Variants in TTC23L observed in about 807,000 individuals in gnomAD.
TTC23L encodes tetratricopeptide repeat domain 23 like, also known as tetratricopeptide repeat protein 23-like.
Under a neutral mutation model 48.1 loss-of-function variants are expected in TTC23L, and 42 were observed. That is an observed-to-expected ratio of 0.87 (90% CI 0.68 to 1.13). TTC23L has a LOEUF of 1.13. Among genes scored for constraint, TTC23L ranks in the 50% most tolerant of loss-of-function variants. TTC23L has a pLI of 0.00. For missense variants in TTC23L, 391 were observed against 421.0 expected, an observed-to-expected ratio of 0.93 and a Z score of 0.62; for synonymous variants, 159 against 157.2, an observed-to-expected ratio of 1.01 and a Z score of -0.09.
At chr5:34,886,880 C>G (rs1762577947) in intron 9 of TTC23L, among the ~76,000 whole-genome samples, 1 of 152,122 alleles carries the variant, frequency 6.6e-6, no homozygotes, top group Admixed American at 6.5e-5. Flanking sequence ...TTAGTAATAC[C>G]TTGTTTAACC....
chr5:34,859,266 CA>C (rs1291820529), intron 4 of TTC23L, among the ~76,000 whole-genome samples: 1 of 152,192 alleles, frequency 6.6e-6, no homozygotes, highest in African/African-American at 2.4e-5. Flanking sequence ...CCTGCTTGAT[CA>C]AAACACTTTC....
At chr5:34,895,986 T>C (rs565298508) in intron 9 of TTC23L, among the ~76,000 whole-genome samples, 1 of 152,168 alleles carries the variant, frequency 6.6e-6, no homozygotes, top group South Asian at 2.1e-4. Context: ...TATGAGTGAG[T>C]GAGGAGCACA....
intron 10 of TTC23L, 71 bp downstream of exon 10, chr5:34,896,946 G>A (rs1023194238): frequency 4.9e-6 from 3 of 615,512 alleles, no homozygotes; most frequent in Admixed American, 4.9e-5. Context: ...TGATTCCAAG[G>A]GATGTGTGCC....
At chr5:34,868,627 T>C (rs898266285) in intron 7 of TTC23L, 27 of 284,798 alleles carry the variant, frequency 9.5e-5, no homozygotes, top group African/African-American at 5.1e-4. Flanking sequence ...TTATTTTTGC[T>C]ATGAAATCTA....
chr5:34,908,997 C>A, the TTC23L span: 1 of 1,436,788 alleles, frequency 7.0e-7, no homozygotes, highest in South Asian at 1.2e-5. Context: ...GTGAACACTG[C>A]TCAGAACTCC....
At chr5:34,888,413 C>A in intron 9 of TTC23L, 1 of 925,044 alleles carries the variant, frequency 1.1e-6, no homozygotes, top group Non-Finnish European at 1.3e-6. Context: ...AAGGTGCTTG[C>A]TATCTGATTC....
At position 34,880,310 on chromosome 5, in the gene TTC23L, T is replaced by A; in HGVS notation, c.1077+2T>A. ...CTTGTCCAAAATGGAGAAAAACAGG[T>A]AAATATGATCAATGCATAAACAGAA... On this transcript the variant is annotated splice_donor_variant, in intron 9 of 10. Transcript: ENST00000505624. LOFTEE classifies it high-confidence loss of function. 1.2e-6 allele frequency: 2 copies of A among 1,607,036 alleles called. No homozygotes were observed. Among genetic ancestry groups the A allele is most frequent in the Non-Finnish European group, 1.7e-6 (2 of 1,177,918 alleles).
chr5:34,905,444 A>AC, the TTC23L span: 1 of 151,880 alleles, frequency 6.6e-6, no homozygotes, highest in Non-Finnish European at 1.5e-5. Context: ...CACCACAGAA[A>AC]CCCTGTGGCT....
intron 2 of TTC23L, among the ~76,000 whole-genome samples, chr5:34,841,632 C>T (rs2150337988): frequency 6.6e-6 from 1 of 152,352 alleles, no homozygotes; most frequent in East Asian, 1.9e-4. Flanking sequence ...ATCCTCCCAC[C>T]TCAGCCTCCT....
chr5:34,882,689 A>G (rs1168201965), intron 9 of TTC23L, among the ~76,000 whole-genome samples: 1 of 150,974 alleles, frequency 6.6e-6, no homozygotes, highest in Non-Finnish European at 1.5e-5. Flanking sequence ...TTAATCTGCC[A>G]TGGATAAAAA....
the TTC23L span, chr5:34,922,720 G>T: frequency 6.2e-7 from 1 of 1,614,024 alleles, no homozygotes; most frequent in South Asian, 1.1e-5. Flanking sequence ...AACTGAAGAT[G>T]ACTGGAAACT....
In TTC23L at chr5:34,888,689, A is replaced by G. The variant is rs553911402; in HGVS notation, c.1078-8081A>G. 2.7e-5 allele frequency: 5 copies of G among 185,434 alleles called. No homozygotes were observed. In the East Asian group the frequency reaches 9.4e-4, roughly 35 times the overall value. 11.5% of individuals were successfully genotyped at this position (185,434 alleles called of 1,614,324 possible). A position where few individuals can be genotyped will look rare whatever the true frequency, so the allele number is the denominator to read the frequency against. ...CTGTGTATGAATTTGACCAAATCCT[A>G]TACTTGGGGAAATTAGTTGATTTCT... On this transcript the variant is annotated intron_variant, in intron 9 of 10. Transcript: ENST00000505624.
At chr5:34,919,978 T>C in the TTC23L span, 1 of 565,620 alleles carries the variant, frequency 1.8e-6, no homozygotes, top group Non-Finnish European at 3.2e-6. Flanking sequence ...AAAATTATTT[T>C]GTAAAAACTA....
chr5:34,895,112 T>G (rs1345747980), intron 9 of TTC23L, among the ~76,000 whole-genome samples: 2 of 152,206 alleles, frequency 1.3e-5, no homozygotes, highest in African/African-American at 4.8e-5. Context: ...AGGAATTTAC[T>G]CATTATCTCT....
At chr5:34,848,269 T>C (rs1361175641) in intron 3 of TTC23L, among the ~76,000 whole-genome samples, 1 of 152,210 alleles carries the variant, frequency 6.6e-6, no homozygotes, top group Non-Finnish European at 1.5e-5. Flanking sequence ...CACTGAAATA[T>C]ATGACTTGAA....
chr5:34,921,435 T>A, the TTC23L span: 8 of 152,346 alleles, frequency 5.3e-5, no homozygotes, highest in Middle Eastern at 3.4e-3. Flanking sequence ...GCTAAAAAGT[T>A]AAAAATCAAA....
the TTC23L span, chr5:34,913,611 TAAAAG>T: frequency 3.0e-6 from 4 of 1,328,944 alleles, no homozygotes; most frequent in Admixed American, 8.4e-5. Context: ...AATTGTTACA[TAAAAG>T]AATAAAAACT....
At chr5:34,914,528 G>A in the TTC23L span, 27 of 686,700 alleles carry the variant, frequency 3.9e-5, no homozygotes, top group East Asian at 5.9e-4. Context: ...AAGTAATGAC[G>A]TTTTGTTCTC....
chr5:34,909,896 C>T, the TTC23L span, among the ~76,000 whole-genome samples: 14 of 152,296 alleles, frequency 9.2e-5, 1 homozygote, highest in South Asian at 8.3e-4. Context: ...AGGATTAGCA[C>T]GTTGCTAAGT....
Sources: gnomAD v4.1 joint callset for allele counts (sites outside exome capture counted in the v4.1 genomes callset) on GRCh38, gnomAD v4.1.1 for gene constraint, MANE v1.5 for transcripts, NCBI Gene and HGNC (gene_info 2026-07-23, HGNC 2026-07-21) for gene names.